The following CEP112 variants were observed in gnomAD, a reference collection of about 807,000 sequenced individuals.
CEP112 encodes the protein centrosomal protein 112.
A neutral mutation model predicts 153.0 loss-of-function variants in CEP112; 127 were observed. That is an observed-to-expected ratio of 0.83 (90% CI 0.72 to 0.96). CEP112 has a LOEUF of 0.96. Among genes scored for constraint, CEP112 ranks in the 40% least tolerant of loss-of-function variants. CEP112 has a pLI of 0.00. For missense variants in CEP112, 1,089 were observed against 1,101.2 expected, an observed-to-expected ratio of 0.99 and a Z score of 0.16; for synonymous variants, 358 against 374.4, an observed-to-expected ratio of 0.96 and a Z score of 0.51.
At chr17:66,132,402 T>G (rs1247501519) in intron 5 of CEP112, among the ~76,000 whole-genome samples, 1 of 152,094 alleles carries the variant, frequency 6.6e-6, no homozygotes, top group African/African-American at 2.4e-5. Context: ...ACATAAATTC[T>G]GAACAAAGGG....
At chr17:65,638,114 G>A (rs769896879) in intron 25 of CEP112, among the ~76,000 whole-genome samples, 24 of 152,178 alleles carry the variant, frequency 1.6e-4, no homozygotes, top group Non-Finnish European at 2.9e-4. Context: ...TATAGAAACC[G>A]CCTAGTGCAG....
chr17:65,915,534 C>T (rs1018829545), intron 19 of CEP112, among the ~76,000 whole-genome samples: 1 of 151,964 alleles, frequency 6.6e-6, no homozygotes, highest in Non-Finnish European at 1.5e-5. Flanking sequence ...GCCTGTAATC[C>T]CAGCACTTTG....
intron 20 of CEP112, among the ~76,000 whole-genome samples, chr17:65,855,589 A>G (rs2058096094): frequency 6.6e-6 from 1 of 152,172 alleles, no homozygotes; most frequent in Non-Finnish European, 1.5e-5. Context: ...CCAACAGGTC[A>G]GGGACTAAAG....
intron 20 of CEP112, among the ~76,000 whole-genome samples, chr17:65,866,883 C>A (rs975291657): frequency 6.6e-6 from 1 of 152,154 alleles, no homozygotes; most frequent in East Asian, 1.9e-4. Flanking sequence ...CTTGCTCACC[C>A]TCCACTTGTC....
chr17:66,066,833 T>A lies in CEP112; in HGVS notation c.900A>T (p.Leu300Phe). Residue 300 changes from leucine (L) to phenylalanine (F), a missense_variant, in exon 10 of 27, where the codon TTA becomes TTT. Leu to Phe is a conservative substitution (Grantham distance 22). Coordinates refer to ENST00000535342, the MANE Select transcript of CEP112 (RefSeq NM_001199165.4). ...CAGTTTCATGTTGTTTACTCCTGTA[T>A]AAAGTTTTCAGTTCTTCTATTTCAT... ...KNNEIEELKT[L>F]YRSKQHETEE... 1 of 1,552,386 alleles carries A rather than the reference T, an allele frequency of 6.4e-7. No homozygotes were observed. Among genetic ancestry groups the A allele is most frequent in the Non-Finnish European group, 8.7e-7 (1 of 1,153,202 alleles).
intron 18 of CEP112, among the ~76,000 whole-genome samples, chr17:65,953,308 A>AATACAG (rs2061897448): frequency 6.6e-6 from 1 of 152,212 alleles, no homozygotes; most frequent in Non-Finnish European, 1.5e-5. Context: ...AGAAAGTTGA[A>AATACAG]ATACAGATTA....
intron 6 of CEP112, among the ~76,000 whole-genome samples, chr17:66,114,347 G>C (rs1433396564): frequency 6.6e-6 from 1 of 151,800 alleles, no homozygotes; most frequent in African/African-American, 2.4e-5. Context: ...AAATTACTTG[G>C]CATTTGGTCA....
chr17:66,035,697 C>T (rs1468942575), intron 12 of CEP112, among the ~76,000 whole-genome samples: 2 of 152,066 alleles, frequency 1.3e-5, no homozygotes, highest in Non-Finnish European at 2.9e-5. Context: ...TAGCATAAAC[C>T]AGAGAAAATG....
At chr17:65,699,587 C>T (rs896747639) in intron 23 of CEP112, among the ~76,000 whole-genome samples, 3 of 152,070 alleles carry the variant, frequency 2.0e-5, no homozygotes, top group Admixed American at 6.6e-5. Flanking sequence ...TGTCTTTACC[C>T]GTTTGCCCTT....
At chr17:66,064,572 C>T (rs888472789) in intron 10 of CEP112, among the ~76,000 whole-genome samples, 3 of 152,016 alleles carry the variant, frequency 2.0e-5, no homozygotes, top group African/African-American at 7.2e-5. Flanking sequence ...GTAAACATTT[C>T]CCTAAAAATT....
intron 19 of CEP112, among the ~76,000 whole-genome samples, chr17:65,905,076 TG>T (rs1214777348): frequency 6.6e-6 from 1 of 152,064 alleles, no homozygotes; most frequent in African/African-American, 2.4e-5. Context: ...CCAAAAGCAA[TG>T]GCAACAAAAG....
At chr17:66,004,768 A>C (rs1249356291) in intron 17 of CEP112, among the ~76,000 whole-genome samples, 1 of 152,186 alleles carries the variant, frequency 6.6e-6, no homozygotes, top group African/African-American at 2.4e-5. Flanking sequence ...TCGATACTAA[A>C]TGTGTTTGAT....
intron 20 of CEP112, among the ~76,000 whole-genome samples, chr17:65,855,776 G>A (rs1033612697): frequency 4.6e-5 from 7 of 152,162 alleles, no homozygotes; most frequent in South Asian, 2.1e-4. Flanking sequence ...TTTTAAGTGC[G>A]TAATAGGCCG....
chr17:65,930,841 CA>C (rs2061093954), intron 18 of CEP112, among the ~76,000 whole-genome samples: 1 of 140,032 alleles, frequency 7.1e-6, no homozygotes, highest in Admixed American at 8.1e-5. Context: ...ATCATACTAT[CA>C]GTAGGTCTTT....
intron 8 of CEP112, among the ~76,000 whole-genome samples, chr17:66,082,318 G>A (rs1213985706): frequency 2.0e-5 from 3 of 152,194 alleles, no homozygotes; most frequent in Admixed American, 1.3e-4. Flanking sequence ...GAGAAAATGT[G>A]TTAGCAATTA....
chr17:66,129,651 G>A (rs994950422), intron 6 of CEP112, 95 bp downstream of exon 6: 11 of 859,838 alleles, frequency 1.3e-5, no homozygotes, highest in African/African-American at 3.5e-5. Context: ...AACATCCAAC[G>A]TTCACTGAAT....
At chr17:66,143,843 C>T (rs1312037142) in intron 4 of CEP112, among the ~76,000 whole-genome samples, 1 of 152,196 alleles carries the variant, frequency 6.6e-6, no homozygotes, top group Non-Finnish European at 1.5e-5. Context: ...AGAAACAGCA[C>T]TAAGACCTAT....
At chr17:65,688,119 A>G (rs2047908343) in intron 24 of CEP112, 1 of 152,258 alleles carries the variant, frequency 6.6e-6, no homozygotes, top group South Asian at 2.1e-4. Context: ...CTGTCATTTA[A>G]AAATAAAATA....
At chr17:65,878,123 T>C (rs998592550) in intron 20 of CEP112, among the ~76,000 whole-genome samples, 16 of 152,144 alleles carry the variant, frequency 1.1e-4, no homozygotes, top group Non-Finnish European at 4.4e-5. Context: ...CCAATGTGAC[T>C]ATAATTAACA....
Sources: allele counts gnomAD v4.1 joint callset (sites outside exome capture counted in the v4.1 genomes callset), GRCh38; gene constraint gnomAD v4.1.1; transcripts MANE v1.5; gene names NCBI Gene and HGNC (gene_info 2026-07-23, HGNC 2026-07-21).